The following LINGO2 variants were observed in gnomAD, a reference collection of about 807,000 sequenced individuals.
The protein encoded by LINGO2 is leucine-rich repeat and immunoglobulin-like domain-containing nogo receptor-interacting protein 2.
Under a neutral mutation model 30.6 loss-of-function variants are expected in LINGO2, and 14 were observed. The observed-to-expected ratio is 0.46, with a 90% CI of 0.30 to 0.72. LINGO2 has a LOEUF of 0.72. Among genes scored for constraint, LINGO2 ranks in the 30% least tolerant of loss-of-function variants. The pLI is 0.07. For synonymous variants in LINGO2, 317 were observed against 288.5 expected (o/e 1.10, Z -1.00); for missense variants, 729 against 751.7 (o/e 0.97, Z 0.35).
At chr9:28,882,663 C>T in the LINGO2 span, among the ~76,000 whole-genome samples, 1 of 152,118 alleles carries the variant, frequency 6.6e-6, no homozygotes, top group Non-Finnish European at 1.5e-5. Context: ...ATGATTATCT[C>T]TACAGTCTTG....
At chr9:29,089,686 T>C in the LINGO2 span, among the ~76,000 whole-genome samples, 2 of 152,082 alleles carry the variant, frequency 1.3e-5, no homozygotes, top group African/African-American at 4.8e-5. Context: ...GAAATATAAT[T>C]TGGTTCCTAA....
chr9:29,009,278 G>C, the LINGO2 span, among the ~76,000 whole-genome samples: 278 of 152,274 alleles, frequency 1.8e-3, 1 homozygote, highest in African/African-American at 6.3e-3. Flanking sequence ...TGTATATTTA[G>C]AGAACCCCAT....
chr9:28,516,776 T>G (rs1023862806), intron 1 of LINGO2, among the ~76,000 whole-genome samples: 1 of 152,202 alleles, frequency 6.6e-6, no homozygotes, highest in Non-Finnish European at 1.5e-5. Flanking sequence ...TTCTCTCAGG[T>G]TGAAATATCT....
intron 2 of LINGO2, among the ~76,000 whole-genome samples, chr9:28,377,251 C>T (rs1324598265): frequency 6.6e-6 from 1 of 152,150 alleles, no homozygotes; most frequent in Non-Finnish European, 1.5e-5. Context: ...ACCAACCCCT[C>T]CTCTTCCTCT....
intron 4 of LINGO2, among the ~76,000 whole-genome samples, chr9:28,178,647 C>G (rs1210581127): frequency 6.6e-6 from 1 of 152,144 alleles, no homozygotes; most frequent in Non-Finnish European, 1.5e-5. Context: ...AAAGTTGACA[C>G]TGAAAGTTAC....
chr9:29,195,224 T>C, the LINGO2 span, among the ~76,000 whole-genome samples: 1 of 152,184 alleles, frequency 6.6e-6, no homozygotes, highest in South Asian at 2.1e-4. Context: ...CGCTGAGTTG[T>C]ATTCTACGCA....
At chr9:28,072,087 C>G (rs1442888728) in intron 4 of LINGO2, among the ~76,000 whole-genome samples, 1 of 152,108 alleles carries the variant, frequency 6.6e-6, no homozygotes, top group Non-Finnish European at 1.5e-5. Context: ...TTTCTATTCA[C>G]TTAACACAAA....
chr9:28,625,301 C>T (rs1826609715), intron 1 of LINGO2, among the ~76,000 whole-genome samples: 1 of 152,138 alleles, frequency 6.6e-6, no homozygotes, highest in Non-Finnish European at 1.5e-5. Context: ...TCACTGTGTT[C>T]TCCCTCTCCC....
At chr9:28,286,648 T>A (rs1823519289) in intron 4 of LINGO2, among the ~76,000 whole-genome samples, 1 of 152,220 alleles carries the variant, frequency 6.6e-6, no homozygotes, top group Admixed American at 6.5e-5. Flanking sequence ...GATGACATCA[T>A]GTTCTTTGCA....
intron 4 of LINGO2, among the ~76,000 whole-genome samples, chr9:28,095,046 A>T (rs941742077): frequency 6.6e-6 from 1 of 152,132 alleles, no homozygotes; most frequent in Admixed American, 6.6e-5. Flanking sequence ...CCACAATTAA[A>T]AGTTTAATAT....
At chr9:28,435,259 T>C (rs1384456652) in intron 2 of LINGO2, among the ~76,000 whole-genome samples, 3 of 152,206 alleles carry the variant, frequency 2.0e-5, no homozygotes, top group East Asian at 3.8e-4. Context: ...TCAAGTCTTG[T>C]TTATTATGTC....
At chr9:28,788,927 T>C in the LINGO2 span, among the ~76,000 whole-genome samples, 3 of 152,174 alleles carry the variant, frequency 2.0e-5, no homozygotes, top group Admixed American at 2.0e-4. Context: ...CAACATGCAT[T>C]GCTCGAAAGA....
chr9:28,142,157 C>CTTTTTTTTTTTT (rs3064726), intron 4 of LINGO2, among the ~76,000 whole-genome samples: 2 of 135,990 alleles, frequency 1.5e-5, no homozygotes, highest in African/African-American at 5.5e-5. Flanking sequence ...CTTTCTTTGT[C>CTTTTTTTTTTTT]TTTTTTTTTT....
chr9:28,832,362 C>T, the LINGO2 span, among the ~76,000 whole-genome samples: 620 of 152,258 alleles, frequency 4.1e-3, 7 homozygotes, highest in African/African-American at 0.014. Flanking sequence ...CCTCATACCA[C>T]GTGTGCAACT....
At position 28,300,903 on chromosome 9, in the gene LINGO2, G is replaced by C. The variant is rs560617764; in HGVS notation, c.-245-5537C>G. 3.0e-4 allele frequency among the ~76,000 whole-genome samples: 45 copies of C among 150,962 alleles called. 1 individual carries two copies. Among genetic ancestry groups the C allele is most frequent in the African/African-American group, 1.1e-3 (45 of 40,366 alleles). ...ACATGTCAGAACATGTCAGCTTTGA[G>C]TAGAAAATAATTCATAAATTGATCC... On this transcript the variant is annotated intron_variant, in intron 3 of 5. Transcript: ENST00000379992.
intron 1 of LINGO2, among the ~76,000 whole-genome samples, chr9:28,567,799 AAAT>A (rs1823461470): frequency 9.8e-6 from 1 of 101,722 alleles, no homozygotes; most frequent in African/African-American, 3.9e-5. Flanking sequence ...AATCTAAAAT[AAAT>A]AAATAAATAA....
rs750277413 is a variant in LINGO2, at chr9:27,968,872, G to T, written c.-35-18166C>A. 3.5e-4 allele frequency among the ~76,000 whole-genome samples: 53 copies of T among 151,090 alleles called. 1 individual carries two copies. Among genetic ancestry groups the T allele is most frequent in the Non-Finnish European group, 7.1e-4 (48 of 67,688 alleles). ...TTTAAAACATTTATAATATATAATTGTATATAAAATTATAATTTCTCACCT... is the reference window on the plus strand; with the variant it reads ...TTTAAAACATTTATAATATATAATTTTATATAAAATTATAATTTCTCACCT... On this transcript the variant is annotated intron_variant, in intron 5 of 5. Coordinates refer to ENST00000379992, the Ensembl canonical transcript of LINGO2.
chr9:28,611,804 T>A (rs1209845668), intron 1 of LINGO2, among the ~76,000 whole-genome samples: 1 of 138,158 alleles, frequency 7.2e-6, no homozygotes, highest in East Asian at 1.9e-4. Context: ...TATTTATGTA[T>A]TTATTTTATT....
intron 1 of LINGO2, among the ~76,000 whole-genome samples, chr9:28,493,629 G>A (rs1481267391): frequency 2.0e-5 from 3 of 152,110 alleles, no homozygotes; most frequent in Non-Finnish European, 2.9e-5. Context: ...TAGTGTGATG[G>A]TTAATACTAA....
Sources: gnomAD v4.1 joint callset for allele counts (sites outside exome capture counted in the v4.1 genomes callset) on GRCh38, gnomAD v4.1.1 for gene constraint, MANE v1.5 for transcripts, NCBI Gene and HGNC (gene_info 2026-07-23, HGNC 2026-07-21) for gene names.